Variants in SRBD1 observed in about 807,000 individuals in gnomAD.
SRBD1 encodes the protein S1 RNA-binding domain-containing protein 1.
SRBD1 carries 88 observed loss-of-function variants against 115.3 expected under a neutral mutation model. The observed-to-expected ratio is 0.76, with a 90% CI of 0.64 to 0.91. SRBD1 has a LOEUF of 0.91. Ranked by LOEUF, SRBD1 falls within the 40% of genes least tolerant of loss-of-function variation. The probability of loss-of-function intolerance (pLI) is 0.00; values close to 1 mark genes in which losing one functional copy is unlikely to be tolerated. For missense variants in SRBD1, 1,385 were observed against 1,177.4 expected (o/e 1.18, Z -2.58); for synonymous variants, 509 against 407.7 (o/e 1.25, Z -2.99).
chr2:45,536,377 T>C (rs1572746753), intron 14 of SRBD1, among the ~76,000 whole-genome samples: 1 of 152,004 alleles, frequency 6.6e-6, no homozygotes, highest in Non-Finnish European at 1.5e-5. Flanking sequence ...TTTTCTGACA[T>C]ACTCTAATAG....
In SRBD1 at chr2:45,580,648, C is replaced by T. The variant is rs181831406; in HGVS notation, c.934-635G>A. 2.8e-3 allele frequency among the ~76,000 whole-genome samples: 420 copies of T among 147,714 alleles called. 1 individual carries two copies. The highest frequency in any genetic ancestry group is 0.011 in the Middle Eastern group (3 of 274). ...TGCTGGGATTACAGGCGTGAGCCAC[C>T]GCACCTGGCCGGTCAATTCTTCTAC... On this transcript the variant is annotated intron_variant, in intron 6 of 20. Coordinates refer to ENST00000263736, the MANE Select transcript of SRBD1 (RefSeq NM_018079.5).
Position 45,450,145 on chromosome 2 carries a change from G to A in SRBD1, c.2049+26848C>T, listed in dbSNP as rs1668950092. On this transcript the variant is annotated intron_variant, in intron 16 of 20. Transcript: ENST00000263736. The stretch of plus-strand genomic sequence containing the variant: ...AATTTTCCATTCATCTCGTGAGAGT[G>A]TTATATGGAAATCAAATACAAGAAA... Among the ~76,000 whole-genome samples the A allele has an allele frequency of 2.6e-5, 4 of 152,148 alleles. No homozygotes were observed. The South Asian group carries it at 8.3e-4, about 31-fold the overall frequency.
chr2:45,389,120 G>A lies in SRBD1; in HGVS notation c.*190C>T. The stretch of plus-strand genomic sequence containing the variant: ...ATGTGTATTAGTTGTTTCCTTTAAG[G>A]GAAAAGGAAATCAAACTGTTGGTTT... On this transcript the variant is annotated 3_prime_UTR_variant, in exon 21 of 21. Transcript: ENST00000263736. 3 of 674,876 alleles carry A rather than the reference G, an allele frequency of 4.4e-6. No homozygotes were observed. The highest frequency in any genetic ancestry group is 4.1e-4 in the Middle Eastern group (1 of 2,450). The allele number at this position is 674,876 out of a possible 1,614,324, so 41.8% of individuals were successfully genotyped here.
chr2:45,571,371 C>G (rs1012194490), intron 9 of SRBD1, among the ~76,000 whole-genome samples: 3 of 148,834 alleles, frequency 2.0e-5, no homozygotes, highest in African/African-American at 7.7e-5. Flanking sequence ...AGTGGCCACA[C>G]ATAGCAAACA....
chr2:45,577,660 G>GA (rs3835993), intron 7 of SRBD1, among the ~76,000 whole-genome samples: 24 of 148,080 alleles, frequency 1.6e-4, no homozygotes, highest in Non-Finnish European at 2.6e-4. Context: ...TTCTACTGGG[G>GA]AAAAAAAAAA....
chr2:45,523,572 A>C (rs908792047), intron 14 of SRBD1, among the ~76,000 whole-genome samples: 9 of 151,912 alleles, frequency 5.9e-5, no homozygotes, highest in Admixed American at 5.9e-4. Context: ...GTGTATGCCA[A>C]TATATTAGAT....
chr2:45,577,524 G>C (rs1673217666), intron 7 of SRBD1, among the ~76,000 whole-genome samples: 1 of 152,084 alleles, frequency 6.6e-6, no homozygotes, highest in Non-Finnish European at 1.5e-5. Context: ...ATGTATGACA[G>C]AACTTCCTCT....
chr2:45,489,116 A>T lies in SRBD1; in HGVS notation c.1875-785T>A, dbSNP rs536777094. Among the ~76,000 whole-genome samples the T allele has an allele frequency of 2.6e-5, 4 of 152,336 alleles. No homozygotes were observed. The East Asian group carries it at 7.7e-4, about 29-fold the overall frequency. On this transcript the variant is annotated intron_variant, in intron 14 of 20. Coordinates refer to ENST00000263736, the MANE Select transcript of SRBD1 (RefSeq NM_018079.5). ...TTGTATGGGGATTGCCATTTTGTAC[A>T]GCTTATGAAAAATTTTTACATTAGA...
rs766262381 is a variant in SRBD1 at position 45,477,064 on chromosome 2, T to C, written c.1978A>G (p.Arg660Gly). Residue 660 changes from arginine to glycine, a missense_variant, in exon 16 of 21, where the codon AGG becomes GGG. Transcript: ENST00000263736. ...PNLRSAVSIA[R>G]RVQDPLAELV... ...TCAGCTAATGGATCTTGTACACGCC[T>C]TGCTATGGAAACTGAAAAAACAGAA... is the stretch of plus-strand genomic sequence containing the variant. 4 of 1,613,556 alleles carry C rather than the reference T, an allele frequency of 2.5e-6. No individual in the cohort carries two copies. The highest frequency in any genetic ancestry group is 3.4e-6 in the Non-Finnish European group (4 of 1,179,842).
intron 4 of SRBD1, among the ~76,000 whole-genome samples, chr2:45,596,982 C>A (rs1319700318): frequency 8.1e-6 from 1 of 123,800 alleles, no homozygotes; most frequent in Non-Finnish European, 1.7e-5. Flanking sequence ...CCCACACCCA[C>A]AACCCTCACA....
intron 16 of SRBD1, among the ~76,000 whole-genome samples, chr2:45,468,636 C>A (rs191809278): frequency 1.7e-4 from 26 of 152,276 alleles, no homozygotes; most frequent in Admixed American, 1.7e-3. Flanking sequence ...AATCCTCCTA[C>A]CTCGGCCTCC....
chr2:45,453,365 A>C (rs1669055580), intron 16 of SRBD1, among the ~76,000 whole-genome samples: 1 of 151,872 alleles, frequency 6.6e-6, no homozygotes, highest in Non-Finnish European at 1.5e-5. Context: ...GCCCCTCCAG[A>C]GTTAAGCACT....
intron 14 of SRBD1, among the ~76,000 whole-genome samples, chr2:45,489,763 G>C (rs906510002): frequency 6.6e-6 from 1 of 152,078 alleles, no homozygotes; most frequent in Non-Finnish European, 1.5e-5. Context: ...GTTAGATTTG[G>C]ACCCTAACCT....
intron 16 of SRBD1, among the ~76,000 whole-genome samples, chr2:45,427,325 A>G (rs1229756733): frequency 6.6e-6 from 1 of 152,226 alleles, no homozygotes; most frequent in Non-Finnish European, 1.5e-5. Flanking sequence ...TAAAAGACAC[A>G]GACTGGCAAA....
chr2:45,581,705 T>C lies in SRBD1; in HGVS notation c.921A>G (p.Glu307=), dbSNP rs1673370054. 1 of 1,612,298 alleles carries C rather than the reference T, an allele frequency of 6.2e-7. No individual in the cohort carries two copies. The highest frequency in any genetic ancestry group is 1.1e-5 in the South Asian group (1 of 90,878). The change falls in exon 6 of 21, where the codon GAA becomes GAG. Residue 307 remains glutamate, a synonymous_variant. Transcript: ENST00000263736. The part of the protein sequence containing the change: ...KAMLNCKTFE[E]LEHVSAPYKT... ...AAGGATTCCTTACCACGTGTTCTAGTTCTTCAAAAGTTTTACAATTCAGCA... is the reference window on the plus strand; with the variant it reads ...AAGGATTCCTTACCACGTGTTCTAGCTCTTCAAAAGTTTTACAATTCAGCA...
At chr2:45,609,655 C>T (rs1217483554) in intron 1 of SRBD1, among the ~76,000 whole-genome samples, 2 of 152,166 alleles carry the variant, frequency 1.3e-5, no homozygotes, top group South Asian at 2.1e-4. Flanking sequence ...CATTCTTTCC[C>T]ACCTCAGGTA....
chr2:45,498,140 A>AT (rs1365808751), intron 14 of SRBD1, among the ~76,000 whole-genome samples: 5 of 151,888 alleles, frequency 3.3e-5, no homozygotes, highest in African/African-American at 1.2e-4. Flanking sequence ...AATTTTATTT[A>AT]TATTTCTTTA....
At chr2:45,608,637 A>T (rs1325075059) in intron 1 of SRBD1, among the ~76,000 whole-genome samples, 1 of 135,600 alleles carries the variant, frequency 7.4e-6, no homozygotes, top group Non-Finnish European at 1.8e-5. Context: ...TGCCTTTAAC[A>T]TTCAGATTTC....
At chr2:45,605,282 G>C (rs1228516951) in intron 2 of SRBD1, 80 bp downstream of exon 2, 1 of 1,396,084 alleles carries the variant, frequency 7.2e-7, no homozygotes, top group Non-Finnish European at 9.9e-7. Flanking sequence ...CACTTAAGGA[G>C]TTAGAAAGTG....
Sources: allele counts gnomAD v4.1 joint callset (sites outside exome capture counted in the v4.1 genomes callset), GRCh38; gene constraint gnomAD v4.1.1; transcripts MANE v1.5; gene names NCBI Gene and HGNC (gene_info 2026-07-23, HGNC 2026-07-21).